DUOX2: variants seen among roughly 807,000 people sequenced by gnomAD.
DUOX2 encodes the protein NADH/NADPH thyroid oxidase p138-tox.
Under a neutral mutation model 183.3 loss-of-function variants are expected in DUOX2, and 185 were observed. That is an observed-to-expected ratio of 1.01 (90% CI 0.90 to 1.14). The LOEUF is 1.14. DUOX2 is among the 50% of genes most tolerant of loss of function. The pLI is 0.00. For synonymous variants in DUOX2, 788 were observed against 812.4 expected (o/e 0.97, Z 0.51); for missense variants, 1,999 against 2,022.9 (o/e 0.99, Z 0.23).
At chr15:45,099,013 C>A (rs4775756) in intron 26 of DUOX2, 7 of 225,238 alleles carry the variant, frequency 3.1e-5, no homozygotes, top group Middle Eastern at 1.8e-3. Context: ...CTATTTCTTT[C>A]TTTTTTTTTT....
At position 45,112,537 on chromosome 15, in the gene DUOX2, T is replaced by TC. The variant is rs1157896507; in HGVS notation, c.325+16dup. On this transcript the variant is annotated intron_variant, in intron 4 of 33. Coordinates refer to ENST00000389039, the MANE Select transcript of DUOX2 (RefSeq NM_001363711.2). ...GAGCGCCAGATCAACCCCACTGGTC[T>TC]CCCCCTTTGCCCTCACCAAAGAAGA... 2 of 1,611,268 alleles carry TC rather than the reference T, an allele frequency of 1.2e-6. No homozygotes were observed. The highest frequency in any genetic ancestry group is 1.1e-5 in the South Asian group (1 of 91,020).
chr15:45,109,848 T>A (rs771658958), intron 10 of DUOX2, 42 bp downstream of exon 10: 5 of 1,584,824 alleles, frequency 3.2e-6, no homozygotes, highest in Non-Finnish European at 4.3e-6. Context: ...GTGAAGAGAC[T>A]GACCTTGACC....
chr15:45,093,710 G>A lies in DUOX2; in HGVS notation c.*440C>T, dbSNP rs146207683. On this transcript the variant is annotated 3_prime_UTR_variant, in exon 34 of 34. Coordinates refer to ENST00000389039, the MANE Select transcript of DUOX2 (RefSeq NM_001363711.2). ...TTGTGGAAGTCAATTAGAGATGTGG[G>A]GAGCTATCGGAGACAAGCACTATTG... The A allele has an allele frequency of 1.7e-3, 311 of 188,096 alleles. 1 individual carries two copies. The highest frequency in any genetic ancestry group is 6.7e-3 in the African/African-American group (292 of 43,408). 11.7% of individuals were successfully genotyped at this position (188,096 alleles called of 1,614,324 possible).
At position 45,098,028 on chromosome 15, in the gene DUOX2, C is replaced by A. The variant is rs537587602; in HGVS notation, c.3546G>T (p.Trp1182Cys). ...GSKLPQKFYW[W>C]FFQTVPGMTG... Reference sequence around the variant, plus strand: ...TCCTACCTGGGACGGTCTGGAAGAACCACCAATAGAACTTCTGGGGAAGCT... The same window carrying A: ...TCCTACCTGGGACGGTCTGGAAGAAACACCAATAGAACTTCTGGGGAAGCT... The change falls in exon 27 of 34, where the codon TGG (tryptophan) becomes TGT (cysteine). Residue 1182 changes from tryptophan (W) to cysteine (C), a missense_variant. Trp to Cys is a radical substitution (Grantham distance 215). Around this residue, in one of 3 missense-constraint regions of DUOX2, gnomAD observed 1,628 missense variants for 1,608.6 expected, o/e 1.01. Transcript: ENST00000389039. The A allele has an allele frequency of 6.2e-7, 1 of 1,614,130 alleles. No homozygotes were observed. The highest frequency in any genetic ancestry group is 1.1e-5 in the South Asian group (1 of 91,090).
intron 13 of DUOX2, 77 bp from the exon 14 acceptor site, chr15:45,107,540 G>C (rs1013568727): frequency 3.2e-5 from 48 of 1,487,660 alleles, no homozygotes; most frequent in Non-Finnish European, 4.1e-5. Context: ...CAAGGACCCA[G>C]GTGAGAAAAG....
chr15:45,110,045 G>A, intron 9 of DUOX2, 65 bp from the exon 10 acceptor site: 1 of 1,462,950 alleles, frequency 6.8e-7, no homozygotes, highest in Non-Finnish European at 9.6e-7. Flanking sequence ...GGGTTGAGTG[G>A]GCTGAGGGAC....
Position 45,097,710 on chromosome 15 carries a change from C to A in DUOX2, c.3597G>T (p.Leu1199=), listed in dbSNP as rs564722398. 6 of 1,614,232 alleles carry A rather than the reference C, an allele frequency of 3.7e-6. No homozygotes were observed. In the African/African-American group the frequency reaches 5.3e-5, roughly 14 times the overall value. The stretch of plus-strand genomic sequence containing the variant: ...GGGAGGCGAAGACATACATGATGGC[C>A]AGGACCAGGAGCAGAAGCACACCTG... The part of the protein sequence containing the change: ...GMTGVLLLLV[L]AIMYVFASHH... Residue 1199 remains leucine (L), a synonymous_variant, in exon 28 of 34, where the codon CTG becomes CTT. Transcript: ENST00000389039.
rs1254782831 is a variant in DUOX2, at chr15:45,100,388, C to G, written c.3006-160G>C. On this transcript the variant is annotated intron_variant, in intron 23 of 33. Transcript: ENST00000389039. Reference sequence around the variant, plus strand: ...CTGGGGGCTTCTTCCTCCTCCAACCCTTTACTTCTGTCTTTGCTCCATCCA... The same window carrying G: ...CTGGGGGCTTCTTCCTCCTCCAACCGTTTACTTCTGTCTTTGCTCCATCCA... The G allele has an allele frequency of 2.7e-5, 18 of 667,442 alleles. No individual in the cohort carries two copies. In the East Asian group the frequency reaches 4.9e-4, roughly 18 times the overall value. 41.3% of individuals were successfully genotyped at this position (667,442 alleles called of 1,614,324 possible).
chr15:45,108,302 G>A (rs1894283143), intron 12 of DUOX2, 80 bp from the exon 13 acceptor site: 2 of 1,532,056 alleles, frequency 1.3e-6, no homozygotes, highest in Non-Finnish European at 1.8e-6. Context: ...CTCGGGCACA[G>A]AACCTCAGCC....
chr15:45,107,270 G>A (rs939545285), intron 14 of DUOX2, 75 bp downstream of exon 14: 3 of 1,575,436 alleles, frequency 1.9e-6, no homozygotes, highest in East Asian at 2.2e-5. Flanking sequence ...ACAGCACCAA[G>A]TGATTCCCCC....
At position 45,111,478 on chromosome 15, in the gene DUOX2, G is replaced by T. The variant is rs759969476; in HGVS notation, c.621C>A (p.Pro207=). ...GCGAGTCTCGGGGGAAAGCGGGGTC[G>T]GGCCCCGACGCCAGCTGTCCCCCCG... The part of the protein sequence containing the change: ...SFSGGQLASG[P]DPAFPRDSQN... Residue 207 remains proline (P), a synonymous_variant, in exon 6 of 34, where the codon CCC becomes CCA. Transcript: ENST00000389039. 9 of 1,549,782 alleles carry T rather than the reference G, an allele frequency of 5.8e-6. No homozygotes were observed. The highest frequency in any genetic ancestry group is 7.8e-6 in the Non-Finnish European group (9 of 1,150,176).
rs199918362 is a variant in DUOX2, at chr15:45,108,193, G to A, written c.1428C>T (p.Asn476=). 2.5e-6 allele frequency: 4 copies of A among 1,614,200 alleles called. No individual in the cohort carries two copies. The highest frequency in any genetic ancestry group is 3.4e-6 in the Non-Finnish European group (4 of 1,180,028). Residue 476 remains asparagine, a synonymous_variant, in exon 13 of 34, where the codon AAC becomes AAT. Transcript: ENST00000389039. ...QVLEATAALY[N]QDLSQLELLL... ...GCAGCTCTAGCTGGGATAGGTCCTG[G>A]TTGTACAGGGCAGCTGTGGCCTCCA...
chr15:45,101,444 G>A, intron 21 of DUOX2, 170 bp from the exon 22 acceptor site: 1 of 699,516 alleles, frequency 1.4e-6, no homozygotes, highest in Non-Finnish European at 2.5e-6. Context: ...CAGACAATGT[G>A]GCAACTTTGC....
intron 16 of DUOX2, 33 bp downstream of exon 16, chr15:45,106,495 C>G: frequency 6.2e-7 from 1 of 1,606,442 alleles, no homozygotes; most frequent in South Asian, 1.1e-5. Flanking sequence ...CCTCCTCCGT[C>G]CCTCCTCCCT....
chr15:45,108,082 A>C lies in DUOX2; in HGVS notation c.1539T>G (p.Asp513Glu). The C allele has an allele frequency of 6.2e-7, 1 of 1,614,074 alleles. No individual in the cohort carries two copies. The highest frequency in any genetic ancestry group is 8.5e-7 in the Non-Finnish European group (1 of 1,180,000). Reference sequence around the variant, plus strand: ...TGTTCTCAAACCAGTAGCGGTCACCATCCCGCAGCCGTACAAACTGGTCGA... The same window carrying C: ...TGTTCTCAAACCAGTAGCGGTCACCCTCCCGCAGCCGTACAAACTGGTCGA... ...IVLDQFVRLR[D>E]GDRYWFENTR... is the part of the protein sequence containing the mutation. Residue 513 changes from aspartate (D) to glutamate (E), a missense_variant, in exon 13 of 34, where the codon GAT becomes GAG. Transcript: ENST00000389039.
chr15:45,101,384 C>T (rs1894078185), intron 21 of DUOX2, 110 bp from the exon 22 acceptor site: 6 of 958,044 alleles, frequency 6.3e-6, no homozygotes, highest in Admixed American at 4.0e-5. Context: ...ATCTCTGACT[C>T]GAGTCCTGTT....
intron 18 of DUOX2, 101 bp downstream of exon 18, chr15:45,105,542 T>TA: frequency 7.0e-7 from 1 of 1,428,656 alleles, no homozygotes; most frequent in South Asian, 1.2e-5. Flanking sequence ...CTCCAGGCCA[T>TA]AGAGCGGAAG....
chr15:45,100,260 G>A (rs774929663), intron 23 of DUOX2, 32 bp from the exon 24 acceptor site: 13 of 1,603,344 alleles, frequency 8.1e-6, no homozygotes, highest in Non-Finnish European at 1.1e-5. Flanking sequence ...CAGCAGTGTG[G>A]TAAGGGCCCT....
rs143124929 is a variant in DUOX2 at position 45,101,814 on chromosome 15, C to G, written c.2830G>C (p.Gly944Arg). The G allele has an allele frequency of 1.9e-6, 3 of 1,614,126 alleles. No individual in the cohort carries two copies. In the African/African-American group the frequency reaches 4.0e-5, roughly 22 times the overall value. Residue 944 changes from glycine to arginine, a missense_variant, in exon 21 of 34, where the codon GGT (glycine) becomes CGT (arginine). Gly to Arg is a moderately radical substitution (Grantham distance 125). Transcript: ENST00000389039. ...TCACCATTTCCACCTCCACCTCCAC[C>G]TTTGACACAGAGCTGCGTGAAGCGG... is the stretch of plus-strand genomic sequence containing the variant. ...ELRFTQLCVKGGGGGGNGIRD... is the reference protein window; with the variant it reads ...ELRFTQLCVKRGGGGGNGIRD...
Sources: gnomAD v4.1 joint callset for allele counts on GRCh38, gnomAD v4.1.1 for gene constraint, gnomAD v4.1.1 regional missense constraint, MANE v1.5 for transcripts, NCBI Gene and HGNC (gene_info 2026-07-23, HGNC 2026-07-21) for gene names.